TMEM117: variants seen among roughly 807,000 people sequenced by gnomAD.
The protein encoded by TMEM117 is transmembrane protein 117.
A neutral mutation model predicts 52.4 loss-of-function variants in TMEM117; 27 were observed. The ratio of observed to expected loss-of-function variants is 0.51; its 90% confidence interval spans 0.38 to 0.71. The LOEUF (loss-of-function observed/expected upper bound fraction) is 0.71. Among genes scored for constraint, TMEM117 ranks in the 30% least tolerant of loss-of-function variants. The pLI is 0.00. For synonymous variants in TMEM117, 215 were observed against 206.3 expected, an observed-to-expected ratio of 1.04 and a Z score of -0.36; for missense variants, 556 against 630.5, an observed-to-expected ratio of 0.88 and a Z score of 1.26.
intron 3 of TMEM117, among the ~76,000 whole-genome samples, chr12:44,107,461 A>T (rs1947977162): frequency 6.6e-6 from 1 of 152,114 alleles, no homozygotes; most frequent in Non-Finnish European, 1.5e-5. Context: ...TTCGTGCTTT[A>T]TTGCACAGTG....
At chr12:44,215,839 C>T (rs138872262) in intron 5 of TMEM117, among the ~76,000 whole-genome samples, 244 of 151,976 alleles carry the variant, frequency 1.6e-3, no homozygotes, top group Non-Finnish European at 3.0e-3. Flanking sequence ...CAGGTCTTCA[C>T]CTTCCAGACA....
intron 5 of TMEM117, among the ~76,000 whole-genome samples, chr12:44,226,492 A>G (rs1949861864): frequency 1.5e-5 from 2 of 136,940 alleles, no homozygotes; most frequent in Non-Finnish European, 3.2e-5. Flanking sequence ...TATAAATATA[A>G]ATATATATAT....
At chr12:44,202,502 T>C (rs1019282865) in intron 4 of TMEM117, among the ~76,000 whole-genome samples, 11 of 152,258 alleles carry the variant, frequency 7.2e-5, no homozygotes, top group African/African-American at 2.6e-4. Context: ...GCCTACTTGA[T>C]TGTGGCGGAT....
chr12:44,361,075 A>G (rs148556536), intron 6 of TMEM117, among the ~76,000 whole-genome samples: 53 of 152,288 alleles, frequency 3.5e-4, no homozygotes, highest in African/African-American at 1.0e-3. Flanking sequence ...GACTTAAAGT[A>G]TTATAAGAAA....
At chr12:44,104,938 A>T (rs1325092864) in intron 3 of TMEM117, among the ~76,000 whole-genome samples, 1 of 151,870 alleles carries the variant, frequency 6.6e-6, no homozygotes, top group South Asian at 2.1e-4. Flanking sequence ...TTTGAATATG[A>T]TATGCCTAGA....
chr12:44,170,402 C>T (rs1477374175), intron 4 of TMEM117, among the ~76,000 whole-genome samples: 1 of 151,930 alleles, frequency 6.6e-6, no homozygotes, highest in Non-Finnish European at 1.5e-5. Flanking sequence ...ATGTAACAAA[C>T]CTGCACGTTG....
intron 3 of TMEM117, chr12:44,009,689 C>A: frequency 4.1e-6 from 1 of 243,642 alleles, no homozygotes; most frequent in South Asian, 7.5e-5. Flanking sequence ...CACTGCTGTT[C>A]CTCCCAGGAG....
At chr12:44,329,514 A>G (rs1216697933) in intron 6 of TMEM117, among the ~76,000 whole-genome samples, 3 of 152,166 alleles carry the variant, frequency 2.0e-5, no homozygotes, top group African/African-American at 7.2e-5. Context: ...GTTGACATCT[A>G]TCACAATGGT....
intron 6 of TMEM117, among the ~76,000 whole-genome samples, chr12:44,335,822 TA>T (rs1472465576): frequency 6.6e-6 from 1 of 152,020 alleles, no homozygotes; most frequent in Non-Finnish European, 1.5e-5. Context: ...CCATAATGCT[TA>T]AACAGTAGAA....
At chr12:44,329,102 CAG>C (rs528300034) in intron 6 of TMEM117, among the ~76,000 whole-genome samples, 175 of 152,076 alleles carry the variant, frequency 1.2e-3, no homozygotes, top group African/African-American at 3.9e-3. Flanking sequence ...AAACATCTCT[CAG>C]GGTTTCACTG....
intron 4 of TMEM117, among the ~76,000 whole-genome samples, chr12:44,176,565 AAC>A (rs141059035): frequency 5.3e-4 from 81 of 152,290 alleles, no homozygotes; most frequent in Non-Finnish European, 1.1e-3. Context: ...TGTGCCAGAT[AAC>A]TATTTTTTTG....
chr12:44,352,149 G>A (rs2138782105), intron 6 of TMEM117, among the ~76,000 whole-genome samples: 1 of 151,994 alleles, frequency 6.6e-6, no homozygotes, highest in East Asian at 1.9e-4. Context: ...TGAGGGGATG[G>A]ACACCCCATT....
intron 4 of TMEM117, among the ~76,000 whole-genome samples, chr12:44,144,886 G>A (rs1367408729): frequency 1.3e-5 from 2 of 152,332 alleles, no homozygotes; most frequent in African/African-American, 2.4e-5. Flanking sequence ...GGCCGGGCGC[G>A]GTGGCTCACG....
chr12:44,271,708 A>G lies in TMEM117; in HGVS notation c.609-27872A>G, dbSNP rs183217884. Among the ~76,000 whole-genome samples, 1,229 of 152,266 alleles carry G rather than the reference A, an allele frequency of 8.1e-3. 12 individuals are homozygous for G. The highest frequency in any genetic ancestry group is 0.028 in the African/African-American group (1,170 of 41,558). ...TCTGGGATAATACTCAAGATGATCA[A>G]AACACAGGCAACAAAAGCAAAAACA... is the stretch of plus-strand genomic sequence containing the variant. On this transcript the variant is annotated intron_variant, in intron 5 of 7. Transcript: ENST00000266534.
chr12:43,844,552 C>T, intron 1 of TMEM117, 72 bp from the exon 2 acceptor site: 1 of 1,336,522 alleles, frequency 7.5e-7, no homozygotes, highest in East Asian at 2.3e-5. Flanking sequence ...CTGTTATAAA[C>T]CTGAACTGAT....
intron 3 of TMEM117, among the ~76,000 whole-genome samples, chr12:43,981,231 A>G (rs2137721212): frequency 6.6e-6 from 1 of 152,220 alleles, no homozygotes; most frequent in South Asian, 2.1e-4. Context: ...TGGCCATTTG[A>G]TTATATTTGG....
downstream of TMEM117, among the ~76,000 whole-genome samples, chr12:44,393,013 C>A (rs1464767155): frequency 6.6e-6 from 1 of 152,072 alleles, no homozygotes; most frequent in Non-Finnish European, 1.5e-5. Flanking sequence ...ATGAAAATAT[C>A]TTCCAGGTAC....
chr12:44,015,829 C>G (rs564025326), intron 3 of TMEM117, among the ~76,000 whole-genome samples: 259 of 152,118 alleles, frequency 1.7e-3, no homozygotes, highest in South Asian at 4.8e-3. Flanking sequence ...TATTATACAC[C>G]TCATTGAGAT....
intron 6 of TMEM117, among the ~76,000 whole-genome samples, chr12:44,362,739 C>T (rs375003807): frequency 2.4e-4 from 37 of 151,616 alleles, no homozygotes; most frequent in African/African-American, 8.0e-4. Flanking sequence ...AGGACTAAAC[C>T]AGAAGAGCAA....
Sources: gnomAD v4.1 joint callset for allele counts (sites outside exome capture counted in the v4.1 genomes callset) on GRCh38, gnomAD v4.1.1 for gene constraint, MANE v1.5 for transcripts, NCBI Gene and HGNC (gene_info 2026-07-23, HGNC 2026-07-21) for gene names.